Variants in TRIM52 observed in about 807,000 individuals in gnomAD.
TRIM52 encodes E3 ubiquitin-protein ligase TRIM52.
A neutral mutation model predicts 27.0 loss-of-function variants in TRIM52; 24 were observed. The observed-to-expected ratio is 0.89, with a 90% confidence interval of 0.64 to 1.25. The LOEUF is 1.25. Ranked by LOEUF, TRIM52 falls within the 50% of genes most tolerant of loss-of-function variation. The pLI, the probability that TRIM52 is intolerant of heterozygous loss-of-function variation, is 0.00. For missense variants in TRIM52, 351 were observed against 354.7 expected (o/e 0.99, Z 0.08); for synonymous variants, 125 against 126.5 (o/e 0.99, Z 0.08).
chr5:181,251,191 G>T (rs766986232), downstream of TRIM52, among the ~76,000 whole-genome samples: 4 of 152,084 alleles, frequency 2.6e-5, no homozygotes, highest in Admixed American at 6.6e-5. Flanking sequence ...CTACCCTGGA[G>T]GCTGAGGCAG....
chr5:181,259,629 C>T (rs1582318118), intron 1 of TRIM52: 1 of 302,452 alleles, frequency 3.3e-6, no homozygotes, highest in East Asian at 8.2e-5. Flanking sequence ...GCTTTCTATT[C>T]CTATCTGTAC....
downstream of TRIM52, among the ~76,000 whole-genome samples, chr5:181,249,794 C>G (rs1388584752): frequency 1.4e-5 from 2 of 147,398 alleles, no homozygotes; most frequent in African/African-American, 5.0e-5. Context: ...GTTCCTGGAA[C>G]AAATCTTACA....
At position 181,260,322 on chromosome 5, in the gene TRIM52, C is replaced by T. The variant is rs773177780; in HGVS notation, c.492G>A (p.Glu164=). 2 of 1,614,122 alleles carry T rather than the reference C, an allele frequency of 1.2e-6. No individual in the cohort carries two copies. The highest frequency in any genetic ancestry group is 2.2e-5 in the East Asian group (1 of 44,870). The change falls in exon 1 of 2, where the codon GAG becomes GAA. Residue 164 remains glutamate, a synonymous_variant. Coordinates refer to ENST00000688015, the MANE Select transcript of TRIM52 (RefSeq NM_001346048.2). This position sits in a 1 kb window ranked among gnomAD's most constrained non-coding sequence, Gnocchi z 4.4. ...LEAYDEDEDE[E]LYPDIHPPPS... ...GAGGCGGGTGGATGTCAGGATACAGCTCTTCATCTTCGTCCTCATCGTATG... is the reference window on the plus strand; with the variant it reads ...GAGGCGGGTGGATGTCAGGATACAGTTCTTCATCTTCGTCCTCATCGTATG...
At position 181,256,419 on chromosome 5, in the gene TRIM52, A is replaced by G. The variant is rs1488149247; in HGVS notation, c.*390T>C. 6.6e-6 allele frequency: 1 copy of G among 150,510 alleles called. No individual in the cohort carries two copies. The highest frequency in any genetic ancestry group is 1.5e-5 in the Non-Finnish European group (1 of 67,812). The allele number at this position is 150,510 out of a possible 1,614,324, so 9.3% of individuals were successfully genotyped here. A position where few individuals can be genotyped will look rare whatever the true frequency, so the allele number is the denominator to read the frequency against. ...AGTCTTGCTCTATTGCCCAGGCTGG[A>G]GTGCAGTGGCTCAGTCTCGGCTTAC... On this transcript the variant is annotated 3_prime_UTR_variant, in exon 2 of 2. Coordinates refer to ENST00000688015, the MANE Select transcript of TRIM52 (RefSeq NM_001346048.2).
At position 181,260,059 on chromosome 5, in the gene TRIM52, G is replaced by A. The variant is rs775479707; in HGVS notation, c.755C>T (p.Ser252Phe). 21 of 1,614,076 alleles carry A rather than the reference G, an allele frequency of 1.3e-5. No homozygotes were observed. The Admixed American group carries it at 3.5e-4, about 27-fold the overall frequency. ...KEAICVVCRESRSHKQHSVLP... is the reference protein window; with the variant it reads ...KEAICVVCREFRSHKQHSVLP... ...CACGCTGTGCTGTTTGTGGCTCCTG[G>A]ATTCTCGGCACACCACACAGATGGC... The change falls in exon 1 of 2, where the codon TCC (serine) becomes TTC (phenylalanine). Residue 252 changes from serine (S) to phenylalanine (F), a missense_variant. Transcript: ENST00000688015. The surrounding 1 kb of genome is among the most constrained non-coding windows in gnomAD (Gnocchi z 4.4).
rs777419669 is a variant in TRIM52, at chr5:181,255,540, A to C, written c.*1269T>G. On this transcript the variant is annotated 3_prime_UTR_variant, in exon 2 of 2. Coordinates refer to ENST00000688015, the MANE Select transcript of TRIM52 (RefSeq NM_001346048.2). ...CCAAAAGCTACCACTGGTAGATTTT[A>C]AGAACAAGCTCAGGAGCACATCACT... The C allele has an allele frequency of 2.6e-5, 4 of 152,260 alleles. No homozygotes were observed. Among genetic ancestry groups the C allele is most frequent in the African/African-American group, 7.2e-5 (3 of 41,472 alleles). 9.4% of individuals were successfully genotyped at this position (152,260 alleles called of 1,614,324 possible). A position where few individuals can be genotyped will look rare whatever the true frequency, so the allele number is the denominator to read the frequency against.
intron 1 of TRIM52, chr5:181,257,345 A>G (rs1759825252): frequency 6.7e-7 from 1 of 1,495,988 alleles, no homozygotes; most frequent in African/African-American, 1.4e-5. Flanking sequence ...TATGCAATAG[A>G]AATAGCTATA....
At position 181,260,959 on chromosome 5, in the gene TRIM52, C is replaced by T. The variant is rs900167551; in HGVS notation, c.-146G>A. The T allele has an allele frequency of 7.9e-7, 1 of 1,259,128 alleles. No homozygotes were observed. Among genetic ancestry groups the T allele is most frequent in the Non-Finnish European group, 1.1e-6 (1 of 940,138 alleles). The allele number at this position is 1,259,128 out of a possible 1,614,324, so 78.0% of individuals were successfully genotyped here. A position where few individuals can be genotyped will look rare whatever the true frequency, so the allele number is the denominator to read the frequency against. On this transcript the variant is annotated 5_prime_UTR_variant, in exon 1 of 2. Coordinates refer to ENST00000688015, the MANE Select transcript of TRIM52 (RefSeq NM_001346048.2). This position sits in a 1 kb window ranked among gnomAD's most constrained non-coding sequence, Gnocchi z 4.4. The stretch of plus-strand genomic sequence containing the variant: ...CCTCGGGGCCGCAGGGGAGCTTTGA[C>T]CCCCTCTCTCAGGGTGCGAACGCCC...
Position 181,260,214 on chromosome 5 carries a change from C to T in TRIM52, c.600G>A (p.Gln200=), listed in dbSNP as rs1759979505. ...GAATTATCTGGACCATGTTGGCCAG[C>T]TGCAAGTTGGGACGAAAGCTGCGAC... ...FTRRSFRPNL[Q]LANMVQIIRQ... Residue 200 remains glutamine, a synonymous_variant, in exon 1 of 2, where the codon CAG becomes CAA. Coordinates refer to ENST00000688015, the MANE Select transcript of TRIM52 (RefSeq NM_001346048.2). This position sits in a 1 kb window ranked among gnomAD's most constrained non-coding sequence, Gnocchi z 4.4. The T allele has an allele frequency of 6.2e-7, 1 of 1,614,110 alleles. No homozygotes were observed. Among genetic ancestry groups the T allele is most frequent in the Admixed American group, 1.7e-5 (1 of 60,010 alleles).
chr5:181,249,880 G>T (rs1316333305), downstream of TRIM52, among the ~76,000 whole-genome samples: 1 of 146,998 alleles, frequency 6.8e-6, no homozygotes, highest in Non-Finnish European at 1.5e-5. Flanking sequence ...ACCCAGGCTG[G>T]AGTGCAGTGG....
rs535197716 is a variant in TRIM52, at chr5:181,256,747, C to T, written c.*62G>A. On this transcript the variant is annotated 3_prime_UTR_variant, in exon 2 of 2. Transcript: ENST00000688015. ...GTCCAGTCTTAAAGCTGCAGAGAAT[C>T]GGGCTTTGCAGAACACTCCACTGTT... 3.8e-5 allele frequency: 35 copies of T among 913,180 alleles called. No individual in the cohort carries two copies. The highest frequency in any genetic ancestry group is 1.3e-4 in the African/African-American group (7 of 55,872). The allele number at this position is 913,180 out of a possible 1,614,324, so 56.6% of individuals were successfully genotyped here. A position where few individuals can be genotyped will look rare whatever the true frequency, so the allele number is the denominator to read the frequency against.
downstream of TRIM52, among the ~76,000 whole-genome samples, chr5:181,254,163 G>A (rs530178362): frequency 0.012 from 1,641 of 138,086 alleles, 342 homozygotes; most frequent in African/African-American, 0.045. Flanking sequence ...GGTGGCGGGC[G>A]CCTGTAGTCC....
downstream of TRIM52, among the ~76,000 whole-genome samples, chr5:181,252,975 C>T (rs1336408259): frequency 6.6e-6 from 1 of 152,026 alleles, no homozygotes; most frequent in Admixed American, 6.5e-5. Context: ...CTTTGCTACC[C>T]CACTCCAAGA....
Position 181,256,667 on chromosome 5 carries a change from C to T in TRIM52, c.*142G>A. On this transcript the variant is annotated 3_prime_UTR_variant, in exon 2 of 2. Coordinates refer to ENST00000688015, the MANE Select transcript of TRIM52 (RefSeq NM_001346048.2). ...TTTTTCTCCTTTGCAATTAAAAGGGCTGTTTAATATTAAGCTTTCACGGCT... is the reference window on the plus strand; with the variant it reads ...TTTTTCTCCTTTGCAATTAAAAGGGTTGTTTAATATTAAGCTTTCACGGCT... 1 of 421,464 alleles carries T rather than the reference C, an allele frequency of 2.4e-6. No homozygotes were observed. Among genetic ancestry groups the T allele is most frequent in the Non-Finnish European group, 3.2e-6 (1 of 314,596 alleles). The allele number at this position is 421,464 out of a possible 1,614,324, so 26.1% of individuals were successfully genotyped here.
intron 1 of TRIM52, 200 bp downstream of exon 1, chr5:181,259,801 A>C (rs565026969): frequency 2.4e-6 from 3 of 1,232,732 alleles, no homozygotes; most frequent in Non-Finnish European, 3.3e-6. Context: ...GGGGAAGCCA[A>C]TCTGCCCCAA....
At chr5:181,252,239 C>T (rs1391948330), downstream of TRIM52, among the ~76,000 whole-genome samples, 1 of 152,180 alleles carries the variant, frequency 6.6e-6, no homozygotes, top group Non-Finnish European at 1.5e-5. Context: ...CTGTTTTTAT[C>T]CTCCCCCTTG....
rs1363385830 is a variant in TRIM52, at chr5:181,259,772, T to C, written c.813+229A>G. ...GGTCCGCTTCCAGTGACCGTCATAT[T>C]ATCTGTTCAGCTTCCTCTGGGGAAG... On this transcript the variant is annotated intron_variant, in intron 1 of 1. Coordinates refer to ENST00000688015, the MANE Select transcript of TRIM52 (RefSeq NM_001346048.2). 3 of 859,838 alleles carry C rather than the reference T, an allele frequency of 3.5e-6. No homozygotes were observed. The South Asian group carries it at 5.4e-5, about 15-fold the overall frequency. The allele number at this position is 859,838 out of a possible 1,614,324, so 53.3% of individuals were successfully genotyped here.
chr5:181,250,871 G>A (rs1214498926), downstream of TRIM52, among the ~76,000 whole-genome samples: 1 of 152,202 alleles, frequency 6.6e-6, no homozygotes, highest in East Asian at 1.9e-4. Context: ...AGAGAAAAAG[G>A]GGATGTGAGC....
chr5:181,251,921 C>T (rs1759643143), downstream of TRIM52, among the ~76,000 whole-genome samples: 1 of 152,148 alleles, frequency 6.6e-6, no homozygotes, highest in Non-Finnish European at 1.5e-5. Context: ...AGGTTTTGCC[C>T]CCCATCCCAT....
Sources: gnomAD v4.1 joint callset for allele counts (sites outside exome capture counted in the v4.1 genomes callset) on GRCh38, gnomAD v4.1.1 for gene constraint, Gnocchi (gnomAD v3.1) non-coding constraint, MANE v1.5 for transcripts, NCBI Gene and HGNC (gene_info 2026-07-23, HGNC 2026-07-21) for gene names.